HHIP: variants seen among roughly 807,000 people sequenced by gnomAD.
HHIP encodes hedgehog interacting protein.
In HHIP, 12 loss-of-function variants were observed where a neutral mutation model predicts 74.0. The ratio of observed to expected loss-of-function variants is 0.16; its 90% CI spans 0.10 to 0.26. HHIP has a LOEUF of 0.26. Ranked by LOEUF, HHIP falls within the 10% of genes least tolerant of loss-of-function variation. The pLI is 1.00. For missense variants in HHIP, 788 were observed against 845.0 expected, an observed-to-expected ratio of 0.93 and a Z score of 0.84; for synonymous variants, 309 against 311.6, an observed-to-expected ratio of 0.99 and a Z score of 0.09.
chr4:144,708,222 G>A lies in HHIP; in HGVS notation c.1212G>A (p.Val404=). 1.9e-6 allele frequency: 3 copies of A among 1,614,084 alleles called. No homozygotes were observed. The highest frequency in any genetic ancestry group is 1.3e-5 in the African/African-American group (1 of 75,034). Residue 404 remains valine (V), a synonymous_variant, in exon 7 of 13, where the codon GTG becomes GTA. Coordinates refer to ENST00000296575, the MANE Select transcript of HHIP (RefSeq NM_022475.3). ...RLDVDTDMCN[V]PYSIPRSNPH... is the part of the protein sequence containing the mutation. ...ATGTGGACACAGACATGTGCAACGT[G>A]CCTTATTCCATACCAAGGAGCAACC... is the stretch of plus-strand genomic sequence containing the variant.
intron 4 of HHIP, among the ~76,000 whole-genome samples, chr4:144,691,198 T>C (rs990196238): frequency 6.6e-6 from 1 of 152,230 alleles, no homozygotes; most frequent in African/African-American, 2.4e-5. Context: ...CTTTATCGTT[T>C]TCACAGTGAT....
At chr4:144,678,992 A>C (rs997064713) in intron 4 of HHIP, among the ~76,000 whole-genome samples, 4 of 152,200 alleles carry the variant, frequency 2.6e-5, no homozygotes, top group Non-Finnish European at 4.4e-5. Flanking sequence ...TTACACTCCC[A>C]CCAACAGTGT....
At position 144,743,889 on chromosome 4, in the gene HHIP, G is replaced by A. The variant is rs1340878347; in HGVS notation, c.*5932G>A. On this transcript the variant is annotated 3_prime_UTR_variant, in exon 13 of 13. Coordinates refer to ENST00000296575, the MANE Select transcript of HHIP (RefSeq NM_022475.3). Reference sequence around the variant, plus strand: ...CATTCACATGAACAAGTTATAATCAGGTTTGGGATAGTATGCCCAAAACCT... The same window carrying A: ...CATTCACATGAACAAGTTATAATCAAGTTTGGGATAGTATGCCCAAAACCT... 2 of 151,908 alleles carry A rather than the reference G, an allele frequency of 1.3e-5. No individual in the cohort carries two copies. The highest frequency in any genetic ancestry group is 2.9e-5 in the Non-Finnish European group (2 of 67,950). 9.4% of individuals were successfully genotyped at this position (151,908 alleles called of 1,614,324 possible). A position where few individuals can be genotyped will look rare whatever the true frequency, so the allele number is the denominator to read the frequency against.
intron 5 of HHIP, 63 bp downstream of exon 5, chr4:144,706,745 A>G: frequency 1.4e-6 from 2 of 1,472,706 alleles, no homozygotes; most frequent in Non-Finnish European, 1.8e-6. Context: ...ATCTTTTCAT[A>G]AGTTTTTTTA....
Position 144,646,619 on chromosome 4 carries a change from G to T in HHIP, c.-57G>T, listed in dbSNP as rs199561660. On this transcript the variant is annotated 5_prime_UTR_variant, in exon 1 of 13. Coordinates refer to ENST00000296575, the MANE Select transcript of HHIP (RefSeq NM_022475.3). Reference sequence around the variant, plus strand: ...GAGCTGCGCCCTAGTGCCCCTGCTGGGCAGTGGCGTTCCCCCCCATCCTCC... The same window carrying T: ...GAGCTGCGCCCTAGTGCCCCTGCTGTGCAGTGGCGTTCCCCCCCATCCTCC... 6.4e-7 allele frequency: 1 copy of T among 1,560,460 alleles called. No individual in the cohort carries two copies. Among genetic ancestry groups the T allele is most frequent in the Non-Finnish European group, 8.7e-7 (1 of 1,145,194 alleles).
In HHIP at chr4:144,669,110, T is replaced by C. The variant is rs147806776; in HGVS notation, c.831+9272T>C. On this transcript the variant is annotated intron_variant, in intron 4 of 12. Transcript: ENST00000296575. ...GTATTTGTTGATAGTAGTCATCAAT[T>C]GATATTTAATTTTAAAGTCTGTAAT... Among the ~76,000 whole-genome samples, 1,080 of 152,162 alleles carry C rather than the reference T, an allele frequency of 7.1e-3. 12 individuals carry two copies. Among genetic ancestry groups the C allele is most frequent in the African/African-American group, 0.023 (967 of 41,544 alleles).
intron 1 of HHIP, chr4:144,650,726 AC>A (rs1728396547): frequency 6.6e-6 from 1 of 152,108 alleles, no homozygotes; most frequent in African/African-American, 2.4e-5. Flanking sequence ...ACAGCATGAA[AC>A]TTTAAAAAGA....
intron 4 of HHIP, among the ~76,000 whole-genome samples, chr4:144,693,203 G>A (rs1310294656): frequency 6.6e-6 from 1 of 151,946 alleles, no homozygotes; most frequent in Admixed American, 6.6e-5. Flanking sequence ...GTGATTCTGG[G>A]AATTGGAATG....
chr4:144,724,719 C>CATAT (rs201504149), intron 11 of HHIP, among the ~76,000 whole-genome samples: 1 of 138,484 alleles, frequency 7.2e-6, no homozygotes, highest in African/African-American at 2.7e-5. Flanking sequence ...TGTATGTATG[C>CATAT]ATATATATAT....
intron 4 of HHIP, among the ~76,000 whole-genome samples, chr4:144,668,419 T>C (rs1056851580): frequency 5.3e-5 from 8 of 152,018 alleles, no homozygotes; most frequent in Non-Finnish European, 8.8e-5. Context: ...CAGTAGACAG[T>C]AGACATTATC....
chr4:144,677,410 A>T (rs994997970), intron 4 of HHIP, among the ~76,000 whole-genome samples: 9 of 152,166 alleles, frequency 5.9e-5, no homozygotes, highest in African/African-American at 1.7e-4. Flanking sequence ...ACATCCTACC[A>T]GCTTAGCAAA....
rs534468094 is a variant in HHIP, at chr4:144,696,557, T to C, written c.832-9974T>C. Among the ~76,000 whole-genome samples, 223 of 151,980 alleles carry C rather than the reference T, an allele frequency of 1.5e-3. 5 individuals are homozygous for C. Among genetic ancestry groups the C allele is most frequent in the African/African-American group, 5.1e-3 (212 of 41,536 alleles). On this transcript the variant is annotated intron_variant, in intron 4 of 12. Coordinates refer to ENST00000296575, the MANE Select transcript of HHIP (RefSeq NM_022475.3). ...GCTGATAAGAGAATACAGTCTCTTC[T>C]TTTTTTGTTCATTTCTTCATTTAGG...
At chr4:144,708,399 C>A in intron 7 of HHIP, 88 bp downstream of exon 7, 1 of 1,354,534 alleles carries the variant, frequency 7.4e-7, no homozygotes, top group Non-Finnish European at 1.0e-6. Flanking sequence ...CATATACCAT[C>A]ACAGAGCAGC....
intron 4 of HHIP, among the ~76,000 whole-genome samples, chr4:144,681,534 C>T (rs1729344234): frequency 1.3e-5 from 2 of 150,724 alleles, no homozygotes; most frequent in Admixed American, 1.3e-4. Flanking sequence ...AAGCAATTCT[C>T]CTGCCTCAGC....
chr4:144,690,310 G>C (rs574337206), intron 4 of HHIP, among the ~76,000 whole-genome samples: 12 of 152,302 alleles, frequency 7.9e-5, no homozygotes, highest in African/African-American at 2.9e-4. Flanking sequence ...GATTTCTTCT[G>C]TATGGGGTAG....
rs538896113 is a variant in HHIP, at chr4:144,716,263, T to C, written c.1678+833T>C. Among the ~76,000 whole-genome samples the C allele has an allele frequency of 2.0e-5, 3 of 152,314 alleles. No homozygotes were observed. The East Asian group carries it at 5.8e-4, about 29-fold the overall frequency. On this transcript the variant is annotated intron_variant, in intron 10 of 12. Transcript: ENST00000296575. Reference sequence around the variant, plus strand: ...CTCTAAAACTTCAGATTTGGTTTTTTTTACATCAAATGGAGACTTCATCAG... The same window carrying C: ...CTCTAAAACTTCAGATTTGGTTTTTCTTACATCAAATGGAGACTTCATCAG...
chr4:144,693,570 A>G (rs1256543907), intron 4 of HHIP, among the ~76,000 whole-genome samples: 1 of 152,010 alleles, frequency 6.6e-6, no homozygotes, highest in Non-Finnish European at 1.5e-5. Context: ...TACTCCTCAG[A>G]GTTTTTTCTT....
intron 4 of HHIP, among the ~76,000 whole-genome samples, chr4:144,664,623 A>G (rs2126596260): frequency 6.6e-6 from 1 of 152,364 alleles, no homozygotes; most frequent in Non-Finnish European, 1.5e-5. Context: ...GCATGCATAC[A>G]CATTATACAC....
In HHIP at chr4:144,699,562, T is replaced by C. The variant is rs563886189; in HGVS notation, c.832-6969T>C. ...TGAAAGTTCCAATTCTCTAATCACATGGTGGGTTCCTCTGGCTGCAAGCCC... is the reference window on the plus strand; with the variant it reads ...TGAAAGTTCCAATTCTCTAATCACACGGTGGGTTCCTCTGGCTGCAAGCCC... On this transcript the variant is annotated intron_variant, in intron 4 of 12. Coordinates refer to ENST00000296575, the MANE Select transcript of HHIP (RefSeq NM_022475.3). Among the ~76,000 whole-genome samples, 3 of 152,214 alleles carry C rather than the reference T, an allele frequency of 2.0e-5. No individual in the cohort carries two copies. The South Asian group carries it at 6.2e-4, about 32-fold the overall frequency.
Sources: allele counts gnomAD v4.1 joint callset (sites outside exome capture counted in the v4.1 genomes callset), GRCh38; gene constraint gnomAD v4.1.1; transcripts MANE v1.5; gene names NCBI Gene and HGNC (gene_info 2026-07-23, HGNC 2026-07-21).